Variants in SRGAP2C observed in about 807,000 individuals in gnomAD.
SRGAP2C encodes the protein SLIT-ROBO Rho GTPase activating protein 2C.
In SRGAP2C, 15 loss-of-function variants were observed where a neutral mutation model predicts 25.1. The ratio of observed to expected loss-of-function variants is 0.60; its 90% confidence interval spans 0.40 to 0.92. SRGAP2C has a LOEUF of 0.92. Ranked by LOEUF, SRGAP2C falls within the 40% of genes least tolerant of loss-of-function variation. SRGAP2C has a pLI of 0.00. For missense variants in SRGAP2C, 144 were observed against 264.4 expected (o/e 0.54, Z 3.16); for synonymous variants, 44 against 96.6 (o/e 0.46, Z 3.19).
intron 2 of SRGAP2C, among the ~76,000 whole-genome samples, chr1:121,218,763 AG>A (rs1441328198): frequency 3.0e-4 from 46 of 151,634 alleles, no homozygotes; most frequent in Admixed American, 1.5e-3. Flanking sequence ...GGAAAAAAAA[AG>A]TGAATGTACA....
intron 2 of SRGAP2C, among the ~76,000 whole-genome samples, chr1:121,271,133 T>A (rs1215057859): frequency 6.6e-6 from 1 of 151,400 alleles, no homozygotes; most frequent in African/African-American, 2.4e-5. Context: ...TTTTGTTTTT[T>A]TAAACTTAAC....
intron 4 of SRGAP2C, among the ~76,000 whole-genome samples, chr1:121,345,649 C>CT (rs782110661): frequency 0.032 from 3,108 of 95,774 alleles, 266 homozygotes; most frequent in African/African-American, 0.088. Flanking sequence ...GGTTGCTCTT[C>CT]TTTTTTTTTT....
intron 2 of SRGAP2C, among the ~76,000 whole-genome samples, chr1:121,232,634 G>A (rs1420788034): frequency 6.7e-6 from 1 of 150,220 alleles, no homozygotes; most frequent in African/African-American, 2.5e-5. Flanking sequence ...TTTTACTGAA[G>A]CAAAGGCTCT....
intron 7 of SRGAP2C, among the ~76,000 whole-genome samples, 190 bp downstream of exon 7, chr1:121,375,144 G>A (rs1363956167): frequency 6.6e-6 from 1 of 150,510 alleles, no homozygotes; most frequent in Non-Finnish European, 1.5e-5. Context: ...ATCCTAACTG[G>A]AATTCTGGGA....
chr1:121,217,085 A>G (rs1264201889), intron 2 of SRGAP2C, among the ~76,000 whole-genome samples: 12 of 151,356 alleles, frequency 7.9e-5, no homozygotes, highest in South Asian at 2.1e-4. Context: ...TTTGACAGCT[A>G]TAGTTGAAAC....
intron 3 of SRGAP2C, among the ~76,000 whole-genome samples, chr1:121,287,837 T>A (rs1657408912): frequency 6.6e-6 from 1 of 152,060 alleles, no homozygotes; most frequent in Non-Finnish European, 1.5e-5. Flanking sequence ...ACCTTCACGG[T>A]GAGTGTTACA....
At chr1:121,221,910 T>G (rs1280816618) in intron 2 of SRGAP2C, among the ~76,000 whole-genome samples, 2 of 151,996 alleles carry the variant, frequency 1.3e-5, no homozygotes, top group Non-Finnish European at 2.9e-5. Context: ...TGGAGCTGGC[T>G]CCTTGAAATG....
intron 3 of SRGAP2C, among the ~76,000 whole-genome samples, chr1:121,294,247 TC>T (rs1398436201): frequency 1.5e-5 from 2 of 136,102 alleles, no homozygotes; most frequent in African/African-American, 5.4e-5. Flanking sequence ...TCTTTCTCCT[TC>T]CCCCAGAGAA....
chr1:121,298,218 C>T (rs1657637402), intron 3 of SRGAP2C, among the ~76,000 whole-genome samples: 1 of 150,206 alleles, frequency 6.7e-6, no homozygotes, highest in African/African-American at 2.4e-5. Flanking sequence ...TATAGTTCAA[C>T]CTTGGTGGGT....
intron 2 of SRGAP2C, among the ~76,000 whole-genome samples, chr1:121,207,336 C>G (rs1358011036): frequency 6.6e-6 from 1 of 151,420 alleles, no homozygotes; most frequent in Non-Finnish European, 1.5e-5. Context: ...GAGTTCTGAG[C>G]TGCCTTGCTC....
chr1:121,266,039 A>T (rs1570748826), intron 2 of SRGAP2C, among the ~76,000 whole-genome samples: 1 of 151,664 alleles, frequency 6.6e-6, no homozygotes, highest in Non-Finnish European at 1.5e-5. Context: ...CAATGGTGCA[A>T]TCTCTGCTCA....
intron 2 of SRGAP2C, among the ~76,000 whole-genome samples, chr1:121,283,922 T>G (rs1657305745): frequency 6.8e-6 from 1 of 146,190 alleles, no homozygotes; most frequent in African/African-American, 2.5e-5. Flanking sequence ...CCAGAGAGAG[T>G]GTTTGCTAGC....
chr1:121,304,016 A>G (rs1199093477), intron 3 of SRGAP2C, among the ~76,000 whole-genome samples: 1 of 139,612 alleles, frequency 7.2e-6, no homozygotes, highest in Non-Finnish European at 1.5e-5. Context: ...CATCCTGGCT[A>G]ACACGGTGAA....
intron 1 of SRGAP2C, among the ~76,000 whole-genome samples, chr1:121,186,578 T>C (rs1379256369): frequency 8.1e-4 from 123 of 151,338 alleles, no homozygotes; most frequent in Non-Finnish European, 1.5e-3. Context: ...TCGGGAGGGC[T>C]CCCTCGGGCT....
At chr1:121,335,442 G>T (rs1658493464) in intron 4 of SRGAP2C, among the ~76,000 whole-genome samples, 1 of 136,596 alleles carries the variant, frequency 7.3e-6, no homozygotes, top group Admixed American at 7.5e-5. Flanking sequence ...GCCATCCAAT[G>T]AATTTTTTTT....
chr1:121,350,364 C>G (rs1217543857), intron 4 of SRGAP2C, among the ~76,000 whole-genome samples: 133 of 136,388 alleles, frequency 9.8e-4, no homozygotes, highest in Non-Finnish European at 1.8e-3. Flanking sequence ...ATACTATCAT[C>G]CTAGACCTAA....
In SRGAP2C at chr1:121,328,911, AAC is replaced by A. The variant is rs1658374932; in HGVS notation, c.423+4273_423+4274del. Among the ~76,000 whole-genome samples, 399 of 143,340 alleles carry A rather than the reference AAC, an allele frequency of 2.8e-3. 3 individuals carry two copies. The highest frequency in any genetic ancestry group is 3.3e-3 in the Non-Finnish European group (219 of 65,386). The allele number at this position is 143,340 out of a possible 152,430, so 94.0% of individuals were successfully genotyped here. A position where few individuals can be genotyped will look rare whatever the true frequency, so the allele number is the denominator to read the frequency against. ...GTTTAAAAAAAAAAAAAAAACAAAA[AAC>A]AAAAAACAAAACAGAGGGCTGGGAG... On this transcript the variant is annotated intron_variant, in intron 4 of 9. Transcript: ENST00000367123.
At chr1:121,367,992 C>T (rs1453594624) in intron 5 of SRGAP2C, among the ~76,000 whole-genome samples, 5 of 110,444 alleles carry the variant, frequency 4.5e-5, no homozygotes, top group East Asian at 6.1e-4. Flanking sequence ...AGGAGAATGG[C>T]GTGAACCTGG....
intron 3 of SRGAP2C, among the ~76,000 whole-genome samples, chr1:121,287,739 AGTCTGT>A (rs1657402150): frequency 6.6e-6 from 1 of 151,962 alleles, no homozygotes; most frequent in South Asian, 2.1e-4. Context: ...GTGTGTCTGG[AGTCTGT>A]CCCTTCTGAT....
Sources: allele counts gnomAD v4.1 joint callset (sites outside exome capture counted in the v4.1 genomes callset), GRCh38; gene constraint gnomAD v4.1.1; transcripts MANE v1.5; gene names NCBI Gene and HGNC (gene_info 2026-07-23, HGNC 2026-07-21).